Variants in SRRM2 observed in about 807,000 individuals in gnomAD.
The protein encoded by SRRM2 is serine/arginine repetitive matrix protein 2.
A neutral mutation model predicts 213.8 loss-of-function variants in SRRM2; 30 were observed. That is an observed-to-expected ratio of 0.14 (90% CI 0.10 to 0.19). The LOEUF is 0.19. Among genes scored for constraint, SRRM2 ranks in the 10% least tolerant of loss-of-function variants. The pLI is 1.00. For missense variants in SRRM2, 4,904 were observed against 3,647.0 expected (o/e 1.34, Z -8.88); for synonymous variants, 2,025 against 1,377.7 (o/e 1.47, Z -10.40).
rs200294849 is a variant in SRRM2, at chr16:2,767,665, C to G, written c.7137C>G (p.Asn2379Lys). ...ARMAPALSGA[N>K]LTSPRVPLSA... ...TGGCTCCAGCATTGTCTGGTGCAAA[C>G]CTCACCAGCCCCAGGGTGCCCCTTT... The change falls in exon 11 of 15, where the codon AAC becomes AAG. Residue 2379 changes from asparagine (N) to lysine (K), a missense_variant. Asn to Lys is a moderately conservative substitution (Grantham distance 94). Coordinates refer to ENST00000301740, the MANE Select transcript of SRRM2 (RefSeq NM_016333.4). 6.2e-7 allele frequency: 1 copy of G among 1,614,116 alleles called. No individual in the cohort carries two copies. Among genetic ancestry groups the G allele is most frequent in the Non-Finnish European group, 8.5e-7 (1 of 1,180,018 alleles).
At chr16:2,759,541 C>G (rs767188121) in intron 8 of SRRM2, 28 bp from the exon 9 acceptor site, 3 of 1,609,752 alleles carry the variant, frequency 1.9e-6, no homozygotes, top group Non-Finnish European at 2.6e-6. Context: ...CAGCAGTACC[C>G]TGAGCTGTGG....
rs750848429 is a variant in SRRM2 at position 2,765,738 on chromosome 16, A to C, written c.5210A>C (p.Glu1737Ala). The C allele has an allele frequency of 1.2e-6, 2 of 1,614,140 alleles. No individual in the cohort carries two copies. Among genetic ancestry groups the C allele is most frequent in the Admixed American group, 3.3e-5 (2 of 60,028 alleles). Residue 1737 changes from glutamate (E) to alanine (A), a missense_variant, in exon 11 of 15, where the codon GAA becomes GCA. By Grantham distance (107) the Glu-to-Ala change is moderately radical. Transcript: ENST00000301740. ...TCAGTGTCTTCCCCGGAGCCAGCCGAAAAATCGAGGTCTTCACGCCGACGG... is the reference window on the plus strand; with the variant it reads ...TCAGTGTCTTCCCCGGAGCCAGCCGCAAAATCGAGGTCTTCACGCCGACGG... ...SPSVSSPEPA[E>A]KSRSSRRRRS...
At position 2,770,806 on chromosome 16, in the gene SRRM2, G is replaced by T. The variant is rs150281502; in HGVS notation, c.8250-52G>T. The T allele has an allele frequency of 2.9e-4, 475 of 1,613,308 alleles. 3 individuals carry two copies. In the African/African-American group the frequency reaches 4.7e-3, roughly 16 times the overall value. On this transcript the variant is annotated intron_variant, in intron 14 of 14. Transcript: ENST00000301740. ...CATTTTGGGAGTGGCCCAGAAACTG[G>T]CCTTGAGGGCTGGGGTGGGAACTCC...
In SRRM2 at chr16:2,767,273, G is replaced by C. The variant is rs1489338213; in HGVS notation, c.6745G>C (p.Ala2249Pro). 2.5e-6 allele frequency: 4 copies of C among 1,614,030 alleles called. No homozygotes were observed. The highest frequency in any genetic ancestry group is 3.4e-6 in the Non-Finnish European group (4 of 1,180,052). The stretch of plus-strand genomic sequence containing the variant: ...GAACCTAGCCAGCGCCAGGACACCT[G>C]CCATTCCAACAGCAGTGAACCTGGC... ...AMNLASARTP[A>P]IPTAVNLADS... The change falls in exon 11 of 15, where the codon GCC becomes CCC. Residue 2249 changes from alanine (A) to proline (P), a missense_variant. By Grantham distance (27) the Ala-to-Pro change is conservative. Coordinates refer to ENST00000301740, the MANE Select transcript of SRRM2 (RefSeq NM_016333.4).
At position 2,769,107 on chromosome 16, in the gene SRRM2, C is replaced by T; in HGVS notation, c.7844C>T (p.Ser2615Phe). 1 of 1,613,986 alleles carries T rather than the reference C, an allele frequency of 6.2e-7. No individual in the cohort carries two copies. Among genetic ancestry groups the T allele is most frequent in the Non-Finnish European group, 8.5e-7 (1 of 1,179,948 alleles). ...TCTAGCAGTTCCAGTTCCAGCTCCT[C>T]CTCTTCATCTTCCTCCTCCTCCTCC... ...RRSSSSSSSSSSSSSSSSSSS... is the reference protein window; with the variant it reads ...RRSSSSSSSSFSSSSSSSSSS... The change falls in exon 12 of 15, where the codon TCC becomes TTC. Residue 2615 changes from serine (S) to phenylalanine (F), a missense_variant. Ser to Phe is a radical substitution (Grantham distance 155). Transcript: ENST00000301740.
rs749244101 is a variant in SRRM2 at position 2,762,521 on chromosome 16, A to G, written c.1993A>G (p.Arg665Gly). Reference protein sequence around the residue: ...RGRSRSRTPARRGRSRSRTPA... With the variant: ...RGRSRSRTPAGRGRSRSRTPA... ...CCGCTCACGCTCCAGAACCCCAGCC[A>G]GACGTGGCCGCTCACGCTCTAGAAC... Residue 665 changes from arginine (R) to glycine (G), a missense_variant, in exon 11 of 15, where the codon AGA becomes GGA. Physicochemically the swap from Arg to Gly is moderately radical, Grantham distance 125. Transcript: ENST00000301740. 8.1e-6 allele frequency: 13 copies of G among 1,613,834 alleles called. No homozygotes were observed. In the Admixed American group the frequency reaches 2.0e-4, roughly 25 times the overall value.
intron 12 of SRRM2, chr16:2,770,134 G>A (rs1160473429): frequency 2.8e-6 from 4 of 1,426,842 alleles, no homozygotes; most frequent in Non-Finnish European, 3.7e-6. Flanking sequence ...GGCAGGGACT[G>A]TCTTTATCTT....
At chr16:2,758,814 G>A in intron 5 of SRRM2, 171 bp from the exon 6 acceptor site, 1 of 748,258 alleles carries the variant, frequency 1.3e-6, no homozygotes, top group East Asian at 2.7e-5. Context: ...GACTTAAGGA[G>A]TTACTTGTGC....
rs775380096 is a variant in SRRM2, at chr16:2,765,249, G to C, written c.4721G>C (p.Arg1574Pro). Residue 1574 changes from arginine to proline, a missense_variant, in exon 11 of 15, where the codon CGG (arginine) becomes CCG (proline). By Grantham distance (103) the Arg-to-Pro change is moderately radical. Coordinates refer to ENST00000301740, the MANE Select transcript of SRRM2 (RefSeq NM_016333.4). ...AAAGCCAAGACAAGAACCCCACTTCGGCAGAGGAGTCGGTCTGGATCATCT... is the reference window on the plus strand; with the variant it reads ...AAAGCCAAGACAAGAACCCCACTTCCGCAGAGGAGTCGGTCTGGATCATCT... Reference protein sequence around the residue: ...DSKAKTRTPLRQRSRSGSSPE... With the variant: ...DSKAKTRTPLPQRSRSGSSPE... 6.2e-7 allele frequency: 1 copy of C among 1,613,906 alleles called. No homozygotes were observed. The highest frequency in any genetic ancestry group is 1.3e-5 in the African/African-American group (1 of 74,900).
rs752340755 is a variant in SRRM2 at position 2,764,863 on chromosome 16, A to G, written c.4335A>G (p.Pro1445=). 7.4e-6 allele frequency: 12 copies of G among 1,614,244 alleles called. No individual in the cohort carries two copies. The highest frequency in any genetic ancestry group is 1.7e-5 in the Admixed American group (1 of 60,032). ...PSRRSRSGSS[P]GLRDGSGTPS... is the part of the protein sequence containing the mutation. Reference sequence around the variant, plus strand: ...GGAGAAGCAGGTCTGGGTCTTCTCCAGGACTTAGAGATGGGTCTGGGACTC... The same window carrying G: ...GGAGAAGCAGGTCTGGGTCTTCTCCGGGACTTAGAGATGGGTCTGGGACTC... The change falls in exon 11 of 15, where the codon CCA becomes CCG. Residue 1445 remains proline, a synonymous_variant. Coordinates refer to ENST00000301740, the MANE Select transcript of SRRM2 (RefSeq NM_016333.4).
At chr16:2,769,451 C>A (rs1042818095) in intron 12 of SRRM2, 167 bp downstream of exon 12, 2 of 810,898 alleles carry the variant, frequency 2.5e-6, no homozygotes, top group Admixed American at 2.7e-5. Flanking sequence ...GCACCCTGTT[C>A]TGGCGAAGGG....
rs765929641 is a variant in SRRM2 at position 2,770,846 on chromosome 16, C to T, written c.8250-12C>T. ...GTGGGAACTCCCTGTTGACCCATATCTTCTCTTGCAGGTCTCCATAAATTG... is the reference window on the plus strand; with the variant it reads ...GTGGGAACTCCCTGTTGACCCATATTTTCTCTTGCAGGTCTCCATAAATTG... On this transcript the variant is annotated splice_polypyrimidine_tract_variant and intron_variant, in intron 14 of 14. Coordinates refer to ENST00000301740, the MANE Select transcript of SRRM2 (RefSeq NM_016333.4). The T allele has an allele frequency of 8.1e-6, 13 of 1,613,986 alleles. No homozygotes were observed. Among genetic ancestry groups the T allele is most frequent in the Middle Eastern group, 1.6e-4 (1 of 6,064 alleles).
intron 2 of SRRM2, 41 bp from the exon 3 acceptor site, chr16:2,757,431 G>A: frequency 6.3e-7 from 1 of 1,578,116 alleles, no homozygotes; most frequent in East Asian, 2.3e-5. Flanking sequence ...ACTGGGGAAA[G>A]TGTCCTGTCG....
chr16:2,756,343 T>A lies in SRRM2; in HGVS notation c.-22T>A, dbSNP rs773328940. 6.3e-7 allele frequency: 1 copy of A among 1,580,318 alleles called. No individual in the cohort carries two copies. The highest frequency in any genetic ancestry group is 1.1e-5 in the South Asian group (1 of 88,088). ...CCCCGCTCCCCCTCAGGAGCGGTGG[T>A]GCCCCCCCCGGGCACGGGGCCATGT... On this transcript the variant is annotated 5_prime_UTR_variant, in exon 2 of 15. Transcript: ENST00000301740.
chr16:2,771,236 A>G lies in SRRM2; in HGVS notation c.*369A>G, dbSNP rs1388728651. The G allele has an allele frequency of 1.4e-6, 1 of 700,586 alleles. No homozygotes were observed. Among genetic ancestry groups the G allele is most frequent in the East Asian group, 2.7e-5 (1 of 36,770 alleles). 43.4% of individuals were successfully genotyped at this position (700,586 alleles called of 1,614,324 possible). On this transcript the variant is annotated 3_prime_UTR_variant, in exon 15 of 15. Transcript: ENST00000301740. ...GATGGTGGTTGGGACTGGAGGTTGT[A>G]TAAGGTGTTCTTGGAAGGAAGGGGC...
At chr16:2,760,880 G>C in intron 10 of SRRM2, 1 of 192,992 alleles carries the variant, frequency 5.2e-6, no homozygotes, top group East Asian at 1.3e-4. Context: ...CCAATAGTTT[G>C]AATGAAACAC....
chr16:2,762,264 C>T lies in SRRM2; in HGVS notation c.1736C>T (p.Ala579Val), dbSNP rs747618039. ...GGTAGATCTCGTTCTAGAACACCAGCCCGCCGGGGCAGGTCCCGCTCTAGA... is the reference window on the plus strand; with the variant it reads ...GGTAGATCTCGTTCTAGAACACCAGTCCGCCGGGGCAGGTCCCGCTCTAGA... ...TRGRSRSRTP[A>V]RRGRSRSRTP... Residue 579 changes from alanine to valine, a missense_variant, in exon 11 of 15, where the codon GCC becomes GTC. Physicochemically the swap from Ala to Val is moderately conservative, Grantham distance 64. Coordinates refer to ENST00000301740, the MANE Select transcript of SRRM2 (RefSeq NM_016333.4). 1.2e-6 allele frequency: 2 copies of T among 1,603,652 alleles called. No individual in the cohort carries two copies. Among genetic ancestry groups the T allele is most frequent in the South Asian group, 2.2e-5 (2 of 90,870 alleles).
At position 2,766,351 on chromosome 16, in the gene SRRM2, A is replaced by C. The variant is rs147023576; in HGVS notation, c.5823A>C (p.Thr1941=). ...GTCGTTCAAGGTCTAGAACGCCAAC[A>C]ACACGCCGCCGCTCCCGTTCTAGAA... ...TRRRSRSRTP[T]TRRRSRSRTP... The change falls in exon 11 of 15, where the codon ACA becomes ACC. Residue 1941 remains threonine (T), a synonymous_variant. Transcript: ENST00000301740. The surrounding 1 kb of genome is among the most constrained non-coding windows in gnomAD (Gnocchi z 7.0). The C allele has an allele frequency of 1.2e-6, 2 of 1,613,932 alleles. No individual in the cohort carries two copies. Among genetic ancestry groups the C allele is most frequent in the African/African-American group, 2.7e-5 (2 of 74,882 alleles).
rs779842483 is a variant in SRRM2, at chr16:2,764,303, G to C, written c.3775G>C (p.Glu1259Gln). 4 of 1,613,974 alleles carry C rather than the reference G, an allele frequency of 2.5e-6. No individual in the cohort carries two copies. In the East Asian group the frequency reaches 8.9e-5, roughly 36 times the overall value. The change falls in exon 11 of 15, where the codon GAA (glutamate) becomes CAA (glutamine). Residue 1259 changes from glutamate (E) to glutamine (Q), a missense_variant. By Grantham distance (29) the Glu-to-Gln change is conservative (BLOSUM62 2). Coordinates refer to ENST00000301740, the MANE Select transcript of SRRM2 (RefSeq NM_016333.4). ...AGQILSHLSS[E>Q]LKEMSTSNFE... ...CCAAATCCTGTCTCATTTGTCTTCAGAACTTAAAGAAATGTCCACAAGTAA... is the reference window on the plus strand; with the variant it reads ...CCAAATCCTGTCTCATTTGTCTTCACAACTTAAAGAAATGTCCACAAGTAA...
Sources: gnomAD v4.1 joint callset for allele counts on GRCh38, gnomAD v4.1.1 for gene constraint, Gnocchi (gnomAD v3.1) non-coding constraint, MANE v1.5 for transcripts, NCBI Gene and HGNC (gene_info 2026-07-23, HGNC 2026-07-21) for gene names.